The following HS3ST2 variants were observed in gnomAD, a reference collection of about 807,000 sequenced individuals.
HS3ST2 encodes heparan sulfate-glucosamine 3-sulfotransferase 2.
HS3ST2 carries 17 observed loss-of-function variants against 26.3 expected under a neutral mutation model. The ratio of observed to expected loss-of-function variants is 0.65; its 90% confidence interval spans 0.44 to 0.97. HS3ST2 has a LOEUF of 0.97. Ranked by LOEUF, HS3ST2 falls within the 50% of genes least tolerant of loss-of-function variation. The probability of loss-of-function intolerance (pLI) is 0.00; values close to 1 mark genes in which losing one functional copy is unlikely to be tolerated. For synonymous variants in HS3ST2, 237 were observed against 219.2 expected (o/e 1.08, Z -0.72); for missense variants, 402 against 501.2 (o/e 0.80, Z 1.89).
chr16:22,839,842 A>G (rs1395736051), intron 1 of HS3ST2, among the ~76,000 whole-genome samples: 1 of 152,186 alleles, frequency 6.6e-6, no homozygotes, highest in East Asian at 1.9e-4. Flanking sequence ...CAGAGAATGC[A>G]TCCTATTTCC....
chr16:22,829,198 G>T (rs1901134128), intron 1 of HS3ST2, among the ~76,000 whole-genome samples: 1 of 152,220 alleles, frequency 6.6e-6, no homozygotes, highest in South Asian at 2.1e-4. Context: ...TGGCCAAGCT[G>T]CAGAGAGCTC....
chr16:22,847,107 A>G (rs568409200), intron 1 of HS3ST2, among the ~76,000 whole-genome samples: 1 of 152,126 alleles, frequency 6.6e-6, no homozygotes, highest in South Asian at 2.1e-4. Flanking sequence ...CCCAATAGTT[A>G]TTTCTTTCTG....
chr16:22,885,596 C>T (rs942688355), intron 1 of HS3ST2, among the ~76,000 whole-genome samples: 1 of 152,000 alleles, frequency 6.6e-6, no homozygotes, highest in Admixed American at 6.6e-5. Flanking sequence ...GCTGGGATTA[C>T]AGGCGTGCGC....
intron 1 of HS3ST2, among the ~76,000 whole-genome samples, chr16:22,839,675 T>C (rs982901780): frequency 6.6e-6 from 1 of 152,148 alleles, no homozygotes; most frequent in Non-Finnish European, 1.5e-5. Context: ...CTAAAGATTC[T>C]GATATCAGCC....
intron 1 of HS3ST2, among the ~76,000 whole-genome samples, chr16:22,834,688 C>A (rs555848004): frequency 6.6e-6 from 1 of 151,896 alleles, no homozygotes; most frequent in African/African-American, 2.4e-5. Context: ...AAAAAGTATC[C>A]ATTTTTTGAT....
intron 1 of HS3ST2, among the ~76,000 whole-genome samples, chr16:22,898,413 C>T (rs1211874726): frequency 1.3e-5 from 2 of 152,100 alleles, no homozygotes; most frequent in Non-Finnish European, 2.9e-5. Flanking sequence ...ACAGATGGTG[C>T]TTAGAGTGAT....
At chr16:22,868,235 C>A (rs1360098380) in intron 1 of HS3ST2, among the ~76,000 whole-genome samples, 2 of 151,708 alleles carry the variant, frequency 1.3e-5, no homozygotes, top group African/African-American at 4.8e-5. Flanking sequence ...ATGGTGAAAC[C>A]CCGTCTCTAC....
At chr16:22,878,364 CTG>C (rs1901946293) in intron 1 of HS3ST2, among the ~76,000 whole-genome samples, 1 of 152,188 alleles carries the variant, frequency 6.6e-6, no homozygotes. Flanking sequence ...TGATTAGACA[CTG>C]TTGCCCGCTG....
chr16:22,857,278 A>T (rs780239121), intron 1 of HS3ST2, among the ~76,000 whole-genome samples: 1 of 152,218 alleles, frequency 6.6e-6, no homozygotes, highest in Non-Finnish European at 1.5e-5. Context: ...TTGTTTCACA[A>T]GACGCTTCTT....
chr16:22,849,949 A>G (rs1327875422), intron 1 of HS3ST2, among the ~76,000 whole-genome samples: 1 of 152,232 alleles, frequency 6.6e-6, no homozygotes, highest in East Asian at 1.9e-4. Context: ...AGGGGAATAC[A>G]GCGCATTACT....
At chr16:22,914,915 T>C (rs756664320) in intron 1 of HS3ST2, 29 bp from the exon 2 acceptor site, 3 of 1,581,888 alleles carry the variant, frequency 1.9e-6, no homozygotes, top group East Asian at 4.5e-5. Flanking sequence ...GGAAACCTAT[T>C]TGATGATGTA....
At position 22,871,981 on chromosome 16, in the gene HS3ST2, G is replaced by A. The variant is rs114863013; in HGVS notation, c.486-42963G>A. ...CGTACATACATTTCTTTTGGTACCA[G>A]TGTAACGATTACAGATGGTGCCAGT... On this transcript the variant is annotated intron_variant, in intron 1 of 1. Transcript: ENST00000261374. 2.7e-3 allele frequency among the ~76,000 whole-genome samples: 414 copies of A among 152,328 alleles called. 2 individuals carry two copies. The highest frequency in any genetic ancestry group is 8.8e-3 in the African/African-American group (367 of 41,562).
intron 1 of HS3ST2, among the ~76,000 whole-genome samples, chr16:22,878,133 G>A (rs929735983): frequency 2.6e-5 from 4 of 152,226 alleles, no homozygotes; most frequent in Non-Finnish European, 5.9e-5. Context: ...AAAGGTCCAA[G>A]TGCACTGCTC....
chr16:22,837,149 A>G (rs571202868), intron 1 of HS3ST2, among the ~76,000 whole-genome samples: 1 of 151,438 alleles, frequency 6.6e-6, no homozygotes, highest in Non-Finnish European at 1.5e-5. Flanking sequence ...TTAAATAGAA[A>G]CGGAGCCTCT....
chr16:22,901,335 C>G (rs1272410106), intron 1 of HS3ST2, among the ~76,000 whole-genome samples: 1 of 152,208 alleles, frequency 6.6e-6, no homozygotes, highest in African/African-American at 2.4e-5. Flanking sequence ...TGCCTTAAGA[C>G]CTTGCAATTC....
At chr16:22,880,961 G>A (rs1035864602) in intron 1 of HS3ST2, among the ~76,000 whole-genome samples, 1 of 152,206 alleles carries the variant, frequency 6.6e-6, no homozygotes, top group Non-Finnish European at 1.5e-5. Context: ...TGTTAGATCT[G>A]GATGGGCTTG....
chr16:22,875,884 T>A (rs1281551843), intron 1 of HS3ST2, among the ~76,000 whole-genome samples: 3 of 152,230 alleles, frequency 2.0e-5, no homozygotes, highest in African/African-American at 7.2e-5. Context: ...ACACAAATGG[T>A]TCCCAATGTG....
At chr16:22,818,656 TTTCC>T (rs934250632) in intron 1 of HS3ST2, among the ~76,000 whole-genome samples, 71 of 146,130 alleles carry the variant, frequency 4.9e-4, no homozygotes, top group Admixed American at 1.7e-3. Flanking sequence ...CCCTTCTCCT[TTTCC>T]TTCCTTCCTT....
chr16:22,888,687 G>A lies in HS3ST2; in HGVS notation c.486-26257G>A, dbSNP rs2239336. Among the ~76,000 whole-genome samples, 451 of 152,230 alleles carry A rather than the reference G, an allele frequency of 3.0e-3. 11 individuals carry two copies. In the East Asian group the frequency reaches 0.033, roughly 11 times the overall value. On this transcript the variant is annotated intron_variant, in intron 1 of 1. Coordinates refer to ENST00000261374, the MANE Select transcript of HS3ST2 (RefSeq NM_006043.2). The stretch of plus-strand genomic sequence containing the variant: ...GGCGTGTGCCACCGCGCCTGGCTCC[G>A]TCTCTGGCTTTTCTTAGCATTAGAC...
Sources: allele counts gnomAD v4.1 joint callset (sites outside exome capture counted in the v4.1 genomes callset), GRCh38; gene constraint gnomAD v4.1.1; transcripts MANE v1.5; gene names NCBI Gene and HGNC (gene_info 2026-07-23, HGNC 2026-07-21).